Variants in HCFC2 observed in about 807,000 individuals in gnomAD.
HCFC2 encodes host cell factor 2.
A neutral mutation model predicts 89.2 loss-of-function variants in HCFC2; 18 were observed. That is an observed-to-expected ratio of 0.20 (90% CI 0.14 to 0.30). HCFC2 has a LOEUF of 0.30. HCFC2 is among the 10% of genes least tolerant of loss of function. The pLI is 1.00. For synonymous variants in HCFC2, 308 were observed against 335.7 expected (o/e 0.92, Z 0.90); for missense variants, 578 against 956.1 (o/e 0.60, Z 5.21).
At chr12:104,069,195 T>C (rs1883243524) in intron 3 of HCFC2, among the ~76,000 whole-genome samples, 1 of 152,142 alleles carries the variant, frequency 6.6e-6, no homozygotes, top group African/African-American at 2.4e-5. Flanking sequence ...TGGTCACAGC[T>C]ACTCAGAGGC....
chr12:104,072,364 T>A (rs1883347703), intron 3 of HCFC2, among the ~76,000 whole-genome samples: 1 of 139,026 alleles, frequency 7.2e-6, no homozygotes, highest in Admixed American at 7.4e-5. Flanking sequence ...AGAACAAGAC[T>A]GTTTAAAAAA....
In HCFC2 at chr12:104,087,006, A is replaced by G. The variant is rs1883872878; in HGVS notation, c.1223A>G (p.Asn408Ser). ...AASSDSSAAP[N>S]MQGVRMDPHR... ...TCATCAGATTCTTCAGCAGCACCAA[A>G]TATGCAAGGTAACATAATTTTCATG... The change falls in exon 8 of 15, where the codon AAT becomes AGT. Residue 408 changes from asparagine to serine, a missense_variant. Around this residue, in one of 4 missense-constraint regions of HCFC2, gnomAD observed 210 missense variants for 251.7 expected, o/e 0.83. Transcript: ENST00000229330. 9 of 1,613,546 alleles carry G rather than the reference A, an allele frequency of 5.6e-6. No individual in the cohort carries two copies. The highest frequency in any genetic ancestry group is 7.6e-6 in the Non-Finnish European group (9 of 1,179,610).
chr12:104,099,733 T>TC (rs1666533949), intron 13 of HCFC2, among the ~76,000 whole-genome samples: 1 of 152,202 alleles, frequency 6.6e-6, no homozygotes, highest in South Asian at 2.1e-4. Context: ...TGGTACAATC[T>TC]GAGCTCACTG....
At position 104,079,473 on chromosome 12, in the gene HCFC2, C is replaced by T; in HGVS notation, c.502C>T (p.Leu168=). The change falls in exon 4 of 15, where the codon CTA becomes TTA. Residue 168 remains leucine, a synonymous_variant. Coordinates refer to ENST00000229330, the MANE Select transcript of HCFC2 (RefSeq NM_013320.3). ...RYLNDFYELE[L]QHGSGVVGWS... ...TTTAAATGATTTTTATGAGTTGGAG[C>T]TACAGCATGGCTCTGGTGTTGTGGG... is the stretch of plus-strand genomic sequence containing the variant. The T allele has an allele frequency of 2.5e-6, 4 of 1,613,914 alleles. No homozygotes were observed. The highest frequency in any genetic ancestry group is 3.4e-6 in the Non-Finnish European group (4 of 1,179,914).
At position 104,093,407 on chromosome 12, in the gene HCFC2, A is replaced by C. The variant is rs1884082903; in HGVS notation, c.1306A>C (p.Thr436Pro). Residue 436 changes from threonine (T) to proline (P), a missense_variant, in exon 10 of 15, where the codon ACA (threonine) becomes CCA (proline). Transcript: ENST00000229330. Reference protein sequence around the residue: ...PNSINDTINSTKTEQPATKET... With the variant: ...PNSINDTINSPKTEQPATKET... ...GTAGATCAATGATACAATAAACAGC[A>C]CAAAAACTGAACAGCCAGCCACAAA... is the stretch of plus-strand genomic sequence containing the variant. 6.2e-7 allele frequency: 1 copy of C among 1,613,024 alleles called. No individual in the cohort carries two copies. Among genetic ancestry groups the C allele is most frequent in the Non-Finnish European group, 8.5e-7 (1 of 1,179,406 alleles).
In HCFC2 at chr12:104,103,353, A is replaced by G. The variant is rs1387262621; in HGVS notation, c.*80A>G. ...ATGAAGATTTGTCATTTAAAAGAGT[A>G]TTCTCTGGCTGTATTTCCAGCAGTT... On this transcript the variant is annotated 3_prime_UTR_variant, in exon 15 of 15. Coordinates refer to ENST00000229330, the MANE Select transcript of HCFC2 (RefSeq NM_013320.3). The G allele has an allele frequency of 7.7e-6, 9 of 1,171,542 alleles. No individual in the cohort carries two copies. 72.6% of individuals were successfully genotyped at this position (1,171,542 alleles called of 1,614,324 possible). A position where few individuals can be genotyped will look rare whatever the true frequency, so the allele number is the denominator to read the frequency against.
chr12:104,071,644 A>G (rs978619415), intron 3 of HCFC2, among the ~76,000 whole-genome samples: 1 of 152,108 alleles, frequency 6.6e-6, no homozygotes, highest in African/African-American at 2.4e-5. Flanking sequence ...CTGGAGTGCA[A>G]TGGCACAATG....
intron 9 of HCFC2, 150 bp downstream of exon 9, chr12:104,088,188 C>T: frequency 2.4e-6 from 1 of 416,520 alleles, no homozygotes; most frequent in Non-Finnish European, 4.4e-6. Context: ...AACAAACAAA[C>T]ACAGATTCCC....
Position 104,095,484 on chromosome 12 carries a change from T to G in HCFC2, c.1587T>G (p.Ile529Met). The change falls in exon 11 of 15, where the codon ATT becomes ATG. Residue 529 changes from isoleucine to methionine, a missense_variant. Coordinates refer to ENST00000229330, the MANE Select transcript of HCFC2 (RefSeq NM_013320.3). The surrounding 1 kb of genome is among the most constrained non-coding windows in gnomAD (Gnocchi z 4.2). ...AAACTATGGTAACCCAGCAGACCAT[T>G]AAAACTGAATCATCCAGTACAAATG... ...STQTMVTQQT[I>M]KTESSSTNGA... 2 of 1,613,814 alleles carry G rather than the reference T, an allele frequency of 1.2e-6. No homozygotes were observed. The highest frequency in any genetic ancestry group is 1.7e-6 in the Non-Finnish European group (2 of 1,179,806).
At chr12:104,096,456 A>G in intron 12 of HCFC2, 23 bp downstream of exon 12, 3 of 1,534,328 alleles carry the variant, frequency 2.0e-6, no homozygotes, top group Non-Finnish European at 2.7e-6. Context: ...CCTGGTGATG[A>G]TGCATGTTTA....
At chr12:104,089,357 A>G (rs1367019394) in intron 9 of HCFC2, among the ~76,000 whole-genome samples, 2 of 152,088 alleles carry the variant, frequency 1.3e-5, no homozygotes, top group Non-Finnish European at 2.9e-5. Flanking sequence ...CTTAAAAAAA[A>G]TGCAAAAAAT....
intron 3 of HCFC2, among the ~76,000 whole-genome samples, chr12:104,070,037 T>C (rs1883270997): frequency 6.6e-6 from 1 of 152,162 alleles, no homozygotes; most frequent in African/African-American, 2.4e-5. Context: ...ACTCTTTTTT[T>C]TTTGAGACAG....
rs545228992 is a variant in HCFC2 at position 104,089,015 on chromosome 12, T to C, written c.1284+977T>C. Among the ~76,000 whole-genome samples, 7 of 152,274 alleles carry C rather than the reference T, an allele frequency of 4.6e-5. No homozygotes were observed. The East Asian group carries it at 1.4e-3, about 29-fold the overall frequency. ...CTAACTATGCACAGTTGTCCTTCTG[T>C]ATCTGCAGGGCTTTGGTTTCAGGAC... On this transcript the variant is annotated intron_variant, in intron 9 of 14. Transcript: ENST00000229330.
chr12:104,084,131 C>T (rs1337485920), intron 7 of HCFC2, among the ~76,000 whole-genome samples: 1 of 152,210 alleles, frequency 6.6e-6, no homozygotes, highest in Non-Finnish European at 1.5e-5. Flanking sequence ...AGGAATTGTT[C>T]TAAATGCTGA....
chr12:104,092,144 T>C (rs1413523647), intron 9 of HCFC2, among the ~76,000 whole-genome samples: 1 of 152,222 alleles, frequency 6.6e-6, no homozygotes, highest in Non-Finnish European at 1.5e-5. Context: ...TAACTGATAT[T>C]CACATTGATG....
chr12:104,080,884 A>C, intron 5 of HCFC2, 54 bp downstream of exon 5: 10 of 1,134,478 alleles, frequency 8.8e-6, no homozygotes, highest in Non-Finnish European at 1.2e-5. Context: ...ACAACTTAAG[A>C]AGCACACAAA....
intron 3 of HCFC2, among the ~76,000 whole-genome samples, chr12:104,072,909 G>T (rs1883371606): frequency 6.6e-6 from 1 of 151,978 alleles, no homozygotes; most frequent in Admixed American, 6.6e-5. Flanking sequence ...CTCCCAAAGT[G>T]CTGGGATTAC....
rs543945744 is a variant in HCFC2 at position 104,103,295 on chromosome 12, A to AT, written c.*24dup. The AT allele has an allele frequency of 3.4e-4, 536 of 1,560,336 alleles. 1 individual carries two copies. In the African/African-American group the frequency reaches 4.1e-3, roughly 12 times the overall value. On this transcript the variant is annotated 3_prime_UTR_variant, in exon 15 of 15. Coordinates refer to ENST00000229330, the MANE Select transcript of HCFC2 (RefSeq NM_013320.3). ...TTGAATTGGTTTTTTTACTGAAGCTATTGTGATGATGATTATTTATTAGTA... is the reference window on the plus strand; with the variant it reads ...TTGAATTGGTTTTTTTACTGAAGCTATTTGTGATGATGATTATTTATTAGTA...
chr12:104,089,996 T>G (rs186167946), intron 9 of HCFC2, among the ~76,000 whole-genome samples: 1 of 152,330 alleles, frequency 6.6e-6, no homozygotes, highest in Admixed American at 6.5e-5. Flanking sequence ...GCTGCACAGC[T>G]GTCACCTTAG....
Sources: gnomAD v4.1 joint callset for allele counts (sites outside exome capture counted in the v4.1 genomes callset) on GRCh38, gnomAD v4.1.1 for gene constraint, gnomAD v4.1.1 regional missense constraint, Gnocchi (gnomAD v3.1) non-coding constraint, MANE v1.5 for transcripts, NCBI Gene and HGNC (gene_info 2026-07-23, HGNC 2026-07-21) for gene names.